The following EHBP1 variants were observed in gnomAD, a reference collection of about 807,000 sequenced individuals.
EHBP1 encodes the protein EH domain-binding protein 1.
Under a neutral mutation model 144.0 loss-of-function variants are expected in EHBP1, and 55 were observed. The ratio of observed to expected loss-of-function variants is 0.38; its 90% confidence interval spans 0.31 to 0.48. EHBP1 has a LOEUF of 0.48. Ranked by LOEUF, EHBP1 falls within the 20% of genes least tolerant of loss-of-function variation. EHBP1 has a pLI of 0.98. For synonymous variants in EHBP1, 469 were observed against 472.7 expected (o/e 0.99, Z 0.10); for missense variants, 1,200 against 1,364.2 (o/e 0.88, Z 1.90).
intron 19 of EHBP1, among the ~76,000 whole-genome samples, chr2:63,033,349 A>G (rs2061337499): frequency 6.6e-6 from 1 of 152,148 alleles, no homozygotes; most frequent in South Asian, 2.1e-4. Context: ...TAAGGGCTAT[A>G]TGTGATTACT....
At chr2:62,896,962 A>G (rs1320357771) in intron 10 of EHBP1, among the ~76,000 whole-genome samples, 1 of 152,180 alleles carries the variant, frequency 6.6e-6, no homozygotes. Flanking sequence ...TTTTAGCAGA[A>G]TTGTTTTAGC....
At position 62,768,441 on chromosome 2, in the gene EHBP1, A is replaced by G. The variant is rs371200902; in HGVS notation, c.259-2898A>G. On this transcript the variant is annotated intron_variant, in intron 4 of 22. Transcript: ENST00000431489. ...AAGAGATGGATACATTCCTGGACACATGTACCCTCCCAAGAGTGAACCAGG... is the reference window on the plus strand; with the variant it reads ...AAGAGATGGATACATTCCTGGACACGTGTACCCTCCCAAGAGTGAACCAGG... Among the ~76,000 whole-genome samples, 103 of 152,326 alleles carry G rather than the reference A, an allele frequency of 6.8e-4. 1 individual carries two copies. Among genetic ancestry groups the G allele is most frequent in the Non-Finnish European group, 2.4e-4 (16 of 68,032 alleles).
chr2:63,025,360 C>T (rs750979778), intron 19 of EHBP1, among the ~76,000 whole-genome samples: 14 of 152,152 alleles, frequency 9.2e-5, no homozygotes, highest in Admixed American at 1.3e-4. Flanking sequence ...CTGTTGGGCT[C>T]GGGCAATCCT....
intron 9 of EHBP1, among the ~76,000 whole-genome samples, chr2:62,873,051 G>A (rs949323986): frequency 1.3e-5 from 2 of 152,158 alleles, no homozygotes; most frequent in African/African-American, 4.8e-5. Flanking sequence ...TAGTCCTAAA[G>A]TACTTGGCAA....
intron 14 of EHBP1, among the ~76,000 whole-genome samples, chr2:62,968,990 ATACT>A (rs1490246870): frequency 6.6e-6 from 1 of 152,238 alleles, no homozygotes; most frequent in Non-Finnish European, 1.5e-5. Flanking sequence ...ACACAAGGTG[ATACT>A]TACTTAGTCA....
intron 10 of EHBP1, among the ~76,000 whole-genome samples, chr2:62,890,814 A>G (rs2052397251): frequency 1.3e-5 from 2 of 152,234 alleles, no homozygotes; most frequent in Non-Finnish European, 2.9e-5. Flanking sequence ...GTTTTCAACA[A>G]ATTTCAGAGG....
chr2:62,932,728 C>T (rs772900314), intron 10 of EHBP1, among the ~76,000 whole-genome samples: 6 of 151,858 alleles, frequency 4.0e-5, no homozygotes, highest in Non-Finnish European at 5.9e-5. Context: ...CCGAGGAGGG[C>T]GGATCACTTG....
intron 10 of EHBP1, among the ~76,000 whole-genome samples, chr2:62,880,359 AAG>A (rs1389851562): frequency 5.3e-5 from 8 of 151,850 alleles, no homozygotes; most frequent in African/African-American, 1.9e-4. Context: ...AAAAAAAAAA[AAG>A]AAAATTGATA....
intron 7 of EHBP1, among the ~76,000 whole-genome samples, chr2:62,844,020 A>G (rs1258898509): frequency 1.3e-5 from 2 of 152,192 alleles, no homozygotes; most frequent in African/African-American, 2.4e-5. Context: ...ATAAAGTGCA[A>G]TTGCATTATA....
At chr2:62,887,874 AAT>A (rs1348937628) in intron 10 of EHBP1, among the ~76,000 whole-genome samples, 1 of 152,212 alleles carries the variant, frequency 6.6e-6, no homozygotes, top group Non-Finnish European at 1.5e-5. Flanking sequence ...GTCGAAGTTG[AAT>A]AGTTTTTTTC....
At position 62,981,263 on chromosome 2, in the gene EHBP1, T is replaced by G. The variant is rs557490764; in HGVS notation, c.2608+1928T>G. On this transcript the variant is annotated intron_variant, in intron 15 of 22. Coordinates refer to ENST00000431489, the MANE Select transcript of EHBP1 (RefSeq NM_001142616.3). ...CATTTATCATTAATAATTAGATGCT[T>G]CTTTTATCGTAAAAATCTTCCAGAT... Among the ~76,000 whole-genome samples the G allele has an allele frequency of 8.2e-4, 125 of 152,226 alleles. 1 individual carries two copies. Among genetic ancestry groups the G allele is most frequent in the South Asian group, 8.3e-4 (4 of 4,820 alleles).
rs368948717 is a variant in EHBP1, at chr2:62,830,153, GACACACACACACAC to G, written c.495-836_495-823del. On this transcript the variant is annotated intron_variant, in intron 6 of 22. Coordinates refer to ENST00000431489, the MANE Select transcript of EHBP1 (RefSeq NM_001142616.3). ...TGGTGCATATATATATATATATATA[GACACACACACACAC>G]ACACACACACACACACACACACACA... Among the ~76,000 whole-genome samples the G allele has an allele frequency of 1.8e-3, 234 of 132,160 alleles. 2 individuals carry two copies. Among genetic ancestry groups the G allele is most frequent in the Admixed American group, 2.7e-3 (33 of 12,450 alleles). The allele number at this position is 132,160 out of a possible 152,430, so 86.7% of individuals were successfully genotyped here.
intron 19 of EHBP1, among the ~76,000 whole-genome samples, chr2:63,020,711 C>G (rs940325725): frequency 1.3e-5 from 2 of 151,040 alleles, no homozygotes; most frequent in African/African-American, 4.9e-5. Context: ...TGGAGTCTTG[C>G]TCAGTCGCCT....
Position 62,757,437 on chromosome 2 carries a change from T to C in EHBP1, c.163-6829T>C, listed in dbSNP as rs557345216. On this transcript the variant is annotated intron_variant, in intron 3 of 22. Coordinates refer to ENST00000431489, the MANE Select transcript of EHBP1 (RefSeq NM_001142616.3). ...TTTCTTTTTTTTTTCTTTTTTTTTT[T>C]TTTTTTTTGAGGCAGAGTCTTGCTC... 5.1e-3 allele frequency among the ~76,000 whole-genome samples: 738 copies of C among 145,330 alleles called. 7 individuals carry two copies. The highest frequency in any genetic ancestry group is 0.018 in the African/African-American group (697 of 39,254).
chr2:62,937,566 A>G (rs2056462422), intron 10 of EHBP1, among the ~76,000 whole-genome samples: 1 of 152,206 alleles, frequency 6.6e-6, no homozygotes, highest in South Asian at 2.1e-4. Context: ...AACACTGAAA[A>G]GGGCTTCCTA....
rs147008880 is a variant in EHBP1, at chr2:62,951,241, A to G, written c.2316+2079A>G. 3.9e-5 allele frequency among the ~76,000 whole-genome samples: 6 copies of G among 152,304 alleles called. No individual in the cohort carries two copies. In the East Asian group the frequency reaches 1.2e-3, roughly 30 times the overall value. On this transcript the variant is annotated intron_variant, in intron 13 of 22. Coordinates refer to ENST00000431489, the MANE Select transcript of EHBP1 (RefSeq NM_001142616.3). The stretch of plus-strand genomic sequence containing the variant: ...GGTAGACAACCATGTCTTAACTGCC[A>G]CCTGGATGACAGAGAGTGTAAGATT...
At chr2:62,909,893 G>T in intron 10 of EHBP1, among the ~76,000 whole-genome samples, 1 of 152,224 alleles carries the variant, frequency 6.6e-6, no homozygotes, top group African/African-American at 2.4e-5. Context: ...AAGTAGCTGG[G>T]ACTACAGGCG....
At chr2:62,993,752 A>G in intron 17 of EHBP1, 84 bp downstream of exon 17, 2 of 719,944 alleles carry the variant, frequency 2.8e-6, no homozygotes, top group Non-Finnish European at 3.8e-6. Flanking sequence ...TATAGTATAT[A>G]TATATAGCAT....
At chr2:62,901,956 C>T (rs563920949) in intron 10 of EHBP1, among the ~76,000 whole-genome samples, 156 of 150,588 alleles carry the variant, frequency 1.0e-3, no homozygotes, top group African/African-American at 3.1e-3. Context: ...CAGAGTGAAA[C>T]GCTGTCTCAA....
Sources: gnomAD v4.1 joint callset for allele counts (sites outside exome capture counted in the v4.1 genomes callset) on GRCh38, gnomAD v4.1.1 for gene constraint, MANE v1.5 for transcripts, NCBI Gene and HGNC (gene_info 2026-07-23, HGNC 2026-07-21) for gene names.